NPLOC4: variants seen among roughly 807,000 people sequenced by gnomAD.
The protein encoded by NPLOC4 is NPL4 homolog, ubiquitin recognition factor.
A neutral mutation model predicts 80.6 loss-of-function variants in NPLOC4; 18 were observed. The observed-to-expected ratio is 0.22, with a 90% CI of 0.15 to 0.33. The LOEUF is 0.33. Among genes scored for constraint, NPLOC4 ranks in the 10% least tolerant of loss-of-function variants. NPLOC4 has a pLI of 1.00. For missense variants in NPLOC4, 540 were observed against 786.1 expected (o/e 0.69, Z 3.74); for synonymous variants, 313 against 301.5 (o/e 1.04, Z -0.39).
At chr17:81,623,723 G>A (rs1031329398) in intron 2 of NPLOC4, among the ~76,000 whole-genome samples, 2 of 151,274 alleles carry the variant, frequency 1.3e-5, no homozygotes, top group African/African-American at 2.4e-5. Flanking sequence ...GCGTGAACCC[G>A]GGAGGCGGAG....
At chr17:81,603,005 A>G (rs931666916) in intron 8 of NPLOC4, among the ~76,000 whole-genome samples, 1 of 141,772 alleles carries the variant, frequency 7.1e-6, no homozygotes, top group African/African-American at 2.5e-5. Flanking sequence ...ACACACACAC[A>G]CACACACACA....
chr17:81,604,813 T>A (rs2035155520), intron 7 of NPLOC4, 86 bp from the exon 8 acceptor site: 11 of 1,238,120 alleles, frequency 8.9e-6, no homozygotes, highest in Non-Finnish European at 1.2e-5. Context: ...TTCATAAATA[T>A]CTTTTACCTA....
Position 81,572,167 on chromosome 17 carries a change from TTTTA to T in NPLOC4, c.1282-83_1282-80del, listed in dbSNP as rs1265689867. 53 of 664,252 alleles carry T rather than the reference TTTTA, an allele frequency of 8.0e-5. No homozygotes were observed. Among genetic ancestry groups the T allele is most frequent in the Middle Eastern group, 5.3e-4 (2 of 3,776 alleles). The allele number at this position is 664,252 out of a possible 1,614,324, so 41.1% of individuals were successfully genotyped here. ...TTTCCTTTCACATGCTTGTCTCACCTTTTATTTAATTAATTAATTTATTTATTTA... is the reference window on the plus strand; with the variant it reads ...TTTCCTTTCACATGCTTGTCTCACCTTTTAATTAATTAATTTATTTATTTA... On this transcript the variant is annotated intron_variant, in intron 12 of 16. Transcript: ENST00000331134. This position sits in a 1 kb window ranked among gnomAD's most constrained non-coding sequence, Gnocchi z 4.5.
intron 2 of NPLOC4, among the ~76,000 whole-genome samples, chr17:81,627,416 T>C (rs911203669): frequency 7.0e-6 from 1 of 142,484 alleles, no homozygotes; most frequent in Admixed American, 7.0e-5. Flanking sequence ...TGATGCATGG[T>C]GGGGAACAAA....
intron 11 of NPLOC4, among the ~76,000 whole-genome samples, chr17:81,593,468 C>T (rs1122424): frequency 0.16 from 23,691 of 151,944 alleles, 2,287 homozygotes; most frequent in African/African-American, 0.24. Flanking sequence ...TCACTTTCCC[C>T]TGATGTTACA....
chr17:81,600,373 C>T lies in NPLOC4; in HGVS notation c.889G>A (p.Asp297Asn), dbSNP rs773777601. The change falls in exon 9 of 17, where the codon GAT (aspartate) becomes AAT (asparagine). Residue 297 changes from aspartate (D) to asparagine (N), a missense_variant. By Grantham distance (23) the Asp-to-Asn change is conservative. Transcript: ENST00000331134. ...AGGCCAAGTTTGGCAGCAATTTCAT[C>T]GACCACTTCAGCTTTTGGATCCTCA... ...LLEDPKAEVV[D>N]EIAAKLGLRK... 25 of 1,612,454 alleles carry T rather than the reference C, an allele frequency of 1.6e-5. No individual in the cohort carries two copies. The highest frequency in any genetic ancestry group is 5.5e-5 in the South Asian group (5 of 90,794).
At chr17:81,636,841 TC>T (rs1400399261) in intron 1 of NPLOC4, 74 bp downstream of exon 1, 2 of 1,312,742 alleles carry the variant, frequency 1.5e-6, no homozygotes, top group Non-Finnish European at 1.9e-6. Context: ...CAGGCCCGCC[TC>T]CCCCACAGGC....
At position 81,565,629 on chromosome 17, in the gene NPLOC4, G is replaced by A. The variant is rs541153132; in HGVS notation, c.1567-22C>T. 18 of 1,520,838 alleles carry A rather than the reference G, an allele frequency of 1.2e-5. No homozygotes were observed. In the East Asian group the frequency reaches 3.7e-4, roughly 31 times the overall value. The allele number at this position is 1,520,838 out of a possible 1,614,324, so 94.2% of individuals were successfully genotyped here. On this transcript the variant is annotated intron_variant, in intron 15 of 16. Transcript: ENST00000331134. ...TGTCCTACAAGAAGCCAAAAGGAAG[G>A]TTCCTCTTCGCTGTGCCTAAGGTGA...
rs564107798 is a variant in NPLOC4, at chr17:81,626,230, C to T, written c.96+3495G>A. Among the ~76,000 whole-genome samples the T allele has an allele frequency of 9.2e-5, 14 of 151,378 alleles. 1 individual carries two copies. The highest frequency in any genetic ancestry group is 5.9e-4 in the Admixed American group (9 of 15,168). ...ACTCGGGAGGCTGAGCCAGGAAAACCGCTTGAACCCCGGAGGCGGAGGTTG... is the reference window on the plus strand; with the variant it reads ...ACTCGGGAGGCTGAGCCAGGAAAACTGCTTGAACCCCGGAGGCGGAGGTTG... On this transcript the variant is annotated intron_variant, in intron 2 of 16. Transcript: ENST00000331134.
chr17:81,629,410 G>A (rs1440697161), intron 2 of NPLOC4, among the ~76,000 whole-genome samples: 4 of 151,794 alleles, frequency 2.6e-5, no homozygotes, highest in South Asian at 2.1e-4. Flanking sequence ...GGCTGGTCTT[G>A]AACTCCTCAC....
intron 9 of NPLOC4, among the ~76,000 whole-genome samples, chr17:81,598,094 C>CAAAAA (rs71367068): frequency 2.3e-5 from 2 of 88,240 alleles, no homozygotes; most frequent in Admixed American, 2.5e-4. Flanking sequence ...GACTCTGTCT[C>CAAAAA]AAAAAAAAAA....
chr17:81,565,160 C>T, intron 16 of NPLOC4: 1 of 601,648 alleles, frequency 1.7e-6, no homozygotes, highest in Non-Finnish European at 3.0e-6. Flanking sequence ...CAAAAGGTCC[C>T]ACGCTTCCGG....
intron 8 of NPLOC4, among the ~76,000 whole-genome samples, chr17:81,602,081 C>T (rs937938423): frequency 3.8e-4 from 57 of 151,936 alleles, no homozygotes; most frequent in African/African-American, 1.3e-3. Context: ...TGCATGCATG[C>T]GTGTGTGTAT....
At chr17:81,574,335 C>T (rs1209926758) in intron 12 of NPLOC4, among the ~76,000 whole-genome samples, 1 of 152,180 alleles carries the variant, frequency 6.6e-6, no homozygotes, top group African/African-American at 2.4e-5. Context: ...CCAACTGCAT[C>T]TTTTCCACTC....
At chr17:81,590,845 C>G (rs996990686) in intron 11 of NPLOC4, among the ~76,000 whole-genome samples, 2 of 152,196 alleles carry the variant, frequency 1.3e-5, no homozygotes, top group Non-Finnish European at 2.9e-5. Flanking sequence ...ATGAAGCTCT[C>G]AACACACATA....
intron 6 of NPLOC4, among the ~76,000 whole-genome samples, chr17:81,608,343 G>A (rs955455444): frequency 1.3e-5 from 2 of 152,220 alleles, no homozygotes; most frequent in Admixed American, 1.3e-4. Context: ...TGTGGGGACA[G>A]CCTCTGTCTG....
rs1198699365 is a variant in NPLOC4, at chr17:81,572,263, A to T, written c.1282-175T>A. 6.6e-6 allele frequency among the ~76,000 whole-genome samples: 1 copy of T among 151,742 alleles called. No individual in the cohort carries two copies. Among genetic ancestry groups the T allele is most frequent in the Admixed American group, 6.6e-5 (1 of 15,184 alleles). On this transcript the variant is annotated intron_variant, in intron 12 of 16. Coordinates refer to ENST00000331134, the MANE Select transcript of NPLOC4 (RefSeq NM_017921.4). This position sits in a 1 kb window ranked among gnomAD's most constrained non-coding sequence, Gnocchi z 4.5. ...GAATGCAGTGGCGTGATCTCCACTC[A>T]CTGCAAGCTCCGCCTCCCAGGTTCA...
intron 12 of NPLOC4, among the ~76,000 whole-genome samples, chr17:81,585,461 A>C (rs1245150425): frequency 6.6e-6 from 1 of 151,830 alleles, no homozygotes; most frequent in East Asian, 1.9e-4. Context: ...CAGGAGTTTG[A>C]GACCATCCTG....
intron 1 of NPLOC4, chr17:81,630,024 C>T (rs553897428): frequency 2.0e-6 from 1 of 494,928 alleles, no homozygotes; most frequent in East Asian, 3.3e-5. Flanking sequence ...ACTGTCCTCT[C>T]AACTCTTAGT....
Sources: gnomAD v4.1 joint callset for allele counts (sites outside exome capture counted in the v4.1 genomes callset) on GRCh38, gnomAD v4.1.1 for gene constraint, Gnocchi (gnomAD v3.1) non-coding constraint, MANE v1.5 for transcripts, NCBI Gene and HGNC (gene_info 2026-07-23, HGNC 2026-07-21) for gene names.